Variants in KITLG observed in about 807,000 individuals in gnomAD.
The protein encoded by KITLG is KIT ligand, also known as c-Kit ligand.
Under a neutral mutation model 34.1 loss-of-function variants are expected in KITLG, and 13 were observed. That is an observed-to-expected ratio of 0.38 (90% CI 0.25 to 0.61). The LOEUF is 0.61. Among genes scored for constraint, KITLG ranks in the 20% least tolerant of loss-of-function variants. KITLG has a pLI of 0.60. For synonymous variants in KITLG, 110 were observed against 104.0 expected (o/e 1.06, Z -0.35); for missense variants, 292 against 318.9 (o/e 0.92, Z 0.64).
chr12:88,551,366 G>A (rs1362412686), intron 1 of KITLG, among the ~76,000 whole-genome samples: 2 of 152,126 alleles, frequency 1.3e-5, no homozygotes, highest in African/African-American at 2.4e-5. Flanking sequence ...AAACTTTTCA[G>A]TATTAACTTT....
intron 6 of KITLG, among the ~76,000 whole-genome samples, chr12:88,508,687 C>G (rs997801432): frequency 6.6e-6 from 1 of 151,970 alleles, no homozygotes; most frequent in Non-Finnish European, 1.5e-5. Flanking sequence ...TGAATATCCT[C>G]CTTAGGATTC....
chr12:88,562,540 T>C (rs921193596), intron 1 of KITLG, among the ~76,000 whole-genome samples: 1 of 152,250 alleles, frequency 6.6e-6, no homozygotes, highest in African/African-American at 2.4e-5. Flanking sequence ...TTAGAATGAA[T>C]GAGTGAAGGA....
chr12:88,518,593 C>A, intron 4 of KITLG, 104 bp downstream of exon 4: 1 of 889,744 alleles, frequency 1.1e-6, no homozygotes, highest in Non-Finnish European at 1.8e-6. Flanking sequence ...TTTATACAAT[C>A]AAAATATCAT....
chr12:88,549,182 T>C (rs992931877), intron 1 of KITLG, among the ~76,000 whole-genome samples: 6 of 152,148 alleles, frequency 3.9e-5, no homozygotes, highest in African/African-American at 1.2e-4. Flanking sequence ...AGAGAGACAA[T>C]GGAGAGGACA....
Position 88,506,461 on chromosome 12 carries a change from C to T in KITLG, c.715-83G>A. 3.2e-6 allele frequency: 3 copies of T among 940,844 alleles called. No homozygotes were observed. In the Admixed American group the frequency reaches 5.1e-5, roughly 16 times the overall value. 58.3% of individuals were successfully genotyped at this position (940,844 alleles called of 1,614,324 possible). A position where few individuals can be genotyped will look rare whatever the true frequency, so the allele number is the denominator to read the frequency against. ...AGAGGTAAGTGGACTCCACTTTTAT[C>T]TTTTATGGCAATAACTCCAATAACA... On this transcript the variant is annotated intron_variant, in intron 7 of 9. Coordinates refer to ENST00000644744, the MANE Select transcript of KITLG (RefSeq NM_000899.5).
intron 1 of KITLG, among the ~76,000 whole-genome samples, chr12:88,546,772 T>A (rs1289995890): frequency 2.0e-5 from 3 of 152,200 alleles, no homozygotes; most frequent in Admixed American, 2.0e-4. Flanking sequence ...ATATATATTA[T>A]GCAACAGGAA....
rs1464975917 is a variant in KITLG at position 88,493,377 on chromosome 12, A to T, written c.*3842T>A. On this transcript the variant is annotated 3_prime_UTR_variant, in exon 10 of 10. Transcript: ENST00000644744. Reference sequence around the variant, plus strand: ...TAGCATGGATTATTTCTTGAAAAAAACACCTTGTTATAAAATGAAAGTACC... The same window carrying T: ...TAGCATGGATTATTTCTTGAAAAAATCACCTTGTTATAAAATGAAAGTACC... The T allele has an allele frequency of 6.6e-6, 1 of 152,370 alleles. No individual in the cohort carries two copies. The highest frequency in any genetic ancestry group is 1.5e-5 in the Non-Finnish European group (1 of 67,862). 9.4% of individuals were successfully genotyped at this position (152,370 alleles called of 1,614,324 possible).
chr12:88,578,594 G>A (rs1218948888), intron 1 of KITLG, among the ~76,000 whole-genome samples: 1 of 152,200 alleles, frequency 6.6e-6, no homozygotes. Flanking sequence ...GCTCACATTT[G>A]TTTTGCAAAG....
At chr12:88,558,089 T>C (rs1275990036) in intron 1 of KITLG, among the ~76,000 whole-genome samples, 1 of 152,204 alleles carries the variant, frequency 6.6e-6, no homozygotes, top group Admixed American at 6.5e-5. Context: ...TAGGCTTCAG[T>C]TGCCATCTGA....
At chr12:88,537,218 C>T (rs114662816) in intron 2 of KITLG, among the ~76,000 whole-genome samples, 1,554 of 152,100 alleles carry the variant, frequency 0.01, 17 homozygotes, top group African/African-American at 0.027. Flanking sequence ...GACATGGAAT[C>T]GACCTATGTG....
At chr12:88,503,498 G>T (rs993177005) in intron 9 of KITLG, among the ~76,000 whole-genome samples, 2 of 152,110 alleles carry the variant, frequency 1.3e-5, no homozygotes, top group Admixed American at 6.6e-5. Context: ...GAGAATATTC[G>T]CATGCAACTG....
At chr12:88,549,600 A>C (rs887154285) in intron 1 of KITLG, among the ~76,000 whole-genome samples, 3 of 152,308 alleles carry the variant, frequency 2.0e-5, no homozygotes, top group Admixed American at 1.3e-4. Flanking sequence ...GGGGTAGAGA[A>C]GGTTTGGGAG....
intron 1 of KITLG, among the ~76,000 whole-genome samples, chr12:88,546,454 G>T (rs963283625): frequency 6.6e-6 from 1 of 152,176 alleles, no homozygotes; most frequent in African/African-American, 2.4e-5. Context: ...CAACAGGAAG[G>T]CATTCTTGAA....
intron 9 of KITLG, among the ~76,000 whole-genome samples, chr12:88,502,149 T>C (rs1868886059): frequency 6.6e-6 from 1 of 152,136 alleles, no homozygotes; most frequent in Non-Finnish European, 1.5e-5. Context: ...GGAGAATGAG[T>C]CATGTTTTCA....
intron 3 of KITLG, among the ~76,000 whole-genome samples, chr12:88,520,433 C>T (rs1014744000): frequency 3.3e-5 from 5 of 152,152 alleles, no homozygotes; most frequent in Admixed American, 3.3e-4. Context: ...CTGTAAATTG[C>T]TATTTGAATA....
intron 9 of KITLG, among the ~76,000 whole-genome samples, chr12:88,501,640 T>C (rs140962158): frequency 3.3e-5 from 5 of 152,296 alleles, no homozygotes; most frequent in African/African-American, 1.2e-4. Flanking sequence ...TTACAAATGA[T>C]ATACACACAT....
intron 1 of KITLG, among the ~76,000 whole-genome samples, chr12:88,562,292 C>G (rs1419162610): frequency 6.6e-6 from 1 of 152,194 alleles, no homozygotes; most frequent in Non-Finnish European, 1.5e-5. Context: ...AGAGAATAAA[C>G]CCAGGTACAT....
chr12:88,545,383 G>C (rs1333602504), intron 2 of KITLG, among the ~76,000 whole-genome samples: 1 of 152,210 alleles, frequency 6.6e-6, no homozygotes, highest in African/African-American at 2.4e-5. Context: ...AGGAAGACAT[G>C]TGAAGGGGAA....
intron 1 of KITLG, among the ~76,000 whole-genome samples, chr12:88,556,813 G>C (rs375133629): frequency 2.0e-5 from 3 of 152,280 alleles, no homozygotes; most frequent in African/African-American, 7.2e-5. Flanking sequence ...GAAATCAGTT[G>C]ATTGTGGGGT....
Sources: allele counts gnomAD v4.1 joint callset (sites outside exome capture counted in the v4.1 genomes callset), GRCh38; gene constraint gnomAD v4.1.1; transcripts MANE v1.5; gene names NCBI Gene and HGNC (gene_info 2026-07-23, HGNC 2026-07-21).